The following RALGAPB variants were observed in gnomAD, a reference collection of about 807,000 sequenced individuals.
The protein encoded by RALGAPB is ral GTPase-activating protein subunit beta.
RALGAPB carries 25 observed loss-of-function variants against 161.1 expected under a neutral mutation model. The ratio of observed to expected loss-of-function variants is 0.16; its 90% CI spans 0.11 to 0.22. RALGAPB has a LOEUF of 0.22. Ranked by LOEUF, RALGAPB falls within the 10% of genes least tolerant of loss-of-function variation. The probability of loss-of-function intolerance (pLI) is 1.00; values close to 1 mark genes in which losing one functional copy is unlikely to be tolerated. For missense variants in RALGAPB, 1,391 were observed against 1,815.2 expected, an observed-to-expected ratio of 0.77 and a Z score of 4.25; for synonymous variants, 629 against 626.1, an observed-to-expected ratio of 1.00 and a Z score of -0.07.
chr20:38,521,044 A>G lies in RALGAPB; in HGVS notation c.1418-453A>G, dbSNP rs573989104. Reference sequence around the variant, plus strand: ...TTACTTTGCCCTCTCCCTAAAGTATACAGACTGGCATAGGGTTGCCCATTT... The same window carrying G: ...TTACTTTGCCCTCTCCCTAAAGTATGCAGACTGGCATAGGGTTGCCCATTT... On this transcript the variant is annotated intron_variant, in intron 9 of 29. Coordinates refer to ENST00000262879, the MANE Select transcript of RALGAPB (RefSeq NM_020336.4). Among the ~76,000 whole-genome samples the G allele has an allele frequency of 2.6e-5, 4 of 152,314 alleles. No individual in the cohort carries two copies. In the East Asian group the frequency reaches 7.7e-4, roughly 29 times the overall value.
In RALGAPB at chr20:38,497,525, ATT is replaced by A. The variant is rs746522464; in HGVS notation, c.553+19_553+20del. 12 of 1,294,708 alleles carry A rather than the reference ATT, an allele frequency of 9.3e-6. 1 individual carries two copies. The highest frequency in any genetic ancestry group is 9.2e-5 in the African/African-American group (6 of 65,454). The allele number at this position is 1,294,708 out of a possible 1,614,324, so 80.2% of individuals were successfully genotyped here. On this transcript the variant is annotated intron_variant, in intron 4 of 29. Transcript: ENST00000262879. Reference sequence around the variant, plus strand: ...CCCACCAACTGTTCAAGGTTTGTTTATTTTTTTTTTTCTAATTTATTTCTGAG... The same window carrying A: ...CCCACCAACTGTTCAAGGTTTGTTTATTTTTTTTTCTAATTTATTTCTGAG...
rs759945074 is a variant in RALGAPB, at chr20:38,497,405, A to C, written c.442A>C (p.Ile148Leu). The change falls in exon 4 of 30, where the codon ATT (isoleucine) becomes CTT (leucine). Residue 148 changes from isoleucine (I) to leucine (L), a missense_variant. Transcript: ENST00000262879. Reference sequence around the variant, plus strand: ...ACTATGCTTACAGGTCCTGAGAGCCATTCAGAAACTGGCCCGTGAGTCATC... The same window carrying C: ...ACTATGCTTACAGGTCCTGAGAGCCCTTCAGAAACTGGCCCGTGAGTCATC... ...IRLCLQVLRA[I>L]QKLARESSLM... is the part of the protein sequence containing the mutation. 12 of 1,613,970 alleles carry C rather than the reference A, an allele frequency of 7.4e-6. No homozygotes were observed. Among genetic ancestry groups the C allele is most frequent in the Non-Finnish European group, 9.3e-6 (11 of 1,179,940 alleles).
At chr20:38,521,998 A>G (rs2086304502) in intron 10 of RALGAPB, among the ~76,000 whole-genome samples, 1 of 152,248 alleles carries the variant, frequency 6.6e-6, no homozygotes, top group Non-Finnish European at 1.5e-5. Flanking sequence ...ATTCCCATGT[A>G]GGCAGTCCAG....
At chr20:38,500,707 C>G (rs1322081203) in intron 5 of RALGAPB, among the ~76,000 whole-genome samples, 1 of 152,174 alleles carries the variant, frequency 6.6e-6, no homozygotes, top group African/African-American at 2.4e-5. Context: ...AAAGCTAGGC[C>G]TCTTGCACCA....
Position 38,546,401 on chromosome 20 carries a change from T to C in RALGAPB, c.2873T>C (p.Met958Thr). The C allele has an allele frequency of 6.2e-7, 1 of 1,614,078 alleles. No homozygotes were observed. The highest frequency in any genetic ancestry group is 8.5e-7 in the Non-Finnish European group (1 of 1,179,978). Residue 958 changes from methionine (M) to threonine (T), a missense_variant, in exon 19 of 30, where the codon ATG (methionine) becomes ACG (threonine). Coordinates refer to ENST00000262879, the MANE Select transcript of RALGAPB (RefSeq NM_020336.4). ...TTGGATAACAGTGTCATCCTGGCAA[T>C]GCTGGAACAACCTCTTGGAAATGAG... ...FVLDNSVILA[M>T]LEQPLGNEQN...
At chr20:38,523,849 G>A (rs1308115204) in intron 10 of RALGAPB, among the ~76,000 whole-genome samples, 1 of 152,202 alleles carries the variant, frequency 6.6e-6, no homozygotes, top group Non-Finnish European at 1.5e-5. Context: ...TCAGGGAAGA[G>A]CAAGGAGAGA....
At position 38,550,788 on chromosome 20, in the gene RALGAPB, CA is replaced by C. The variant is rs757210227; in HGVS notation, c.3010-282del. ...CAAAATGCTATACCCATTGGATAAC[CA>C]CTGAATGTGGGAGATTCAGGCCTGC... is the stretch of plus-strand genomic sequence containing the variant. On this transcript the variant is annotated intron_variant, in intron 20 of 29. Coordinates refer to ENST00000262879, the MANE Select transcript of RALGAPB (RefSeq NM_020336.4). Among the ~76,000 whole-genome samples the C allele has an allele frequency of 5.3e-5, 8 of 152,302 alleles. No individual in the cohort carries two copies. In the East Asian group the frequency reaches 1.3e-3, roughly 26 times the overall value.
chr20:38,488,932 C>T (rs1376093286), intron 2 of RALGAPB, among the ~76,000 whole-genome samples: 1 of 152,180 alleles, frequency 6.6e-6, no homozygotes, highest in Admixed American at 6.5e-5. Context: ...ATGTCAAACA[C>T]TTCCCCCAAA....
chr20:38,501,314 A>G (rs1161765183), intron 5 of RALGAPB, among the ~76,000 whole-genome samples: 2 of 152,198 alleles, frequency 1.3e-5, no homozygotes, highest in Admixed American at 6.5e-5. Context: ...ACTAAGAATG[A>G]TGTTAAATTT....
chr20:38,543,001 A>T (rs2087023554), intron 18 of RALGAPB, among the ~76,000 whole-genome samples: 1 of 152,122 alleles, frequency 6.6e-6, no homozygotes, highest in Non-Finnish European at 1.5e-5. Context: ...CCTAGCCTGG[A>T]TGGGGTGTTC....
Position 38,529,530 on chromosome 20 carries a change from T to A in RALGAPB, c.2051-1637T>A, listed in dbSNP as rs201702498. ...GAAACTCCGTCTCAAAAAAAAAAAATAAAATAAAAATAAAAATAAAGCTTG... is the reference window on the plus strand; with the variant it reads ...GAAACTCCGTCTCAAAAAAAAAAAAAAAAATAAAAATAAAAATAAAGCTTG... On this transcript the variant is annotated intron_variant, in intron 13 of 29. Coordinates refer to ENST00000262879, the MANE Select transcript of RALGAPB (RefSeq NM_020336.4). 4.0e-3 allele frequency among the ~76,000 whole-genome samples: 584 copies of A among 147,296 alleles called. 1 individual carries two copies. Among genetic ancestry groups the A allele is most frequent in the African/African-American group, 0.01 (400 of 39,890 alleles).
At chr20:38,526,166 G>C in intron 13 of RALGAPB, 124 bp downstream of exon 13, 1 of 1,117,496 alleles carries the variant, frequency 8.9e-7, no homozygotes, top group Non-Finnish European at 1.3e-6. Flanking sequence ...CTGAATCAGA[G>C]GCACAAGTTA....
chr20:38,485,206 T>C (rs2085080572), intron 1 of RALGAPB, among the ~76,000 whole-genome samples: 2 of 152,228 alleles, frequency 1.3e-5, no homozygotes, highest in South Asian at 2.1e-4. Context: ...ATGTGAGATG[T>C]GGCATAATTG....
At chr20:38,560,633 G>T (rs984667299) in intron 23 of RALGAPB, among the ~76,000 whole-genome samples, 3 of 152,134 alleles carry the variant, frequency 2.0e-5, no homozygotes, top group African/African-American at 7.2e-5. Flanking sequence ...GCATTGTTTT[G>T]TATAAGAATA....
intron 10 of RALGAPB, among the ~76,000 whole-genome samples, chr20:38,523,351 G>A (rs1289020423): frequency 6.6e-6 from 1 of 152,188 alleles, no homozygotes; most frequent in African/African-American, 2.4e-5. Context: ...GTGGGGGCAT[G>A]TTTCTCAGGA....
intron 6 of RALGAPB, among the ~76,000 whole-genome samples, chr20:38,512,548 A>G (rs1291505938): frequency 4.6e-5 from 7 of 152,234 alleles, no homozygotes; most frequent in African/African-American, 1.7e-4. Context: ...GAAAGTTGCT[A>G]TTATTACAGT....
At chr20:38,475,727 G>T (rs960452195) in intron 1 of RALGAPB, among the ~76,000 whole-genome samples, 2 of 150,490 alleles carry the variant, frequency 1.3e-5, no homozygotes, top group African/African-American at 4.9e-5. Flanking sequence ...CGATTCTCCT[G>T]CCTCAGCCTC....
intron 13 of RALGAPB, among the ~76,000 whole-genome samples, chr20:38,530,339 A>C (rs58195405): frequency 6.6e-6 from 1 of 152,204 alleles, no homozygotes; most frequent in Non-Finnish European, 1.5e-5. Context: ...ATCTTTGTTT[A>C]CATTTCTCTG....
intron 5 of RALGAPB, chr20:38,499,909 A>G (rs548980109): frequency 2.7e-5 from 6 of 221,512 alleles, no homozygotes; most frequent in African/African-American, 1.1e-4. Context: ...AATATGCATG[A>G]TCATTAAAAT....
Sources: gnomAD v4.1 joint callset for allele counts (sites outside exome capture counted in the v4.1 genomes callset) on GRCh38, gnomAD v4.1.1 for gene constraint, MANE v1.5 for transcripts, NCBI Gene and HGNC (gene_info 2026-07-23, HGNC 2026-07-21) for gene names.